Variants in TNS3 observed in about 807,000 individuals in gnomAD.
TNS3 encodes tensin 3.
Under a neutral mutation model 140.9 loss-of-function variants are expected in TNS3, and 45 were observed. That is an observed-to-expected ratio of 0.32 (90% CI 0.25 to 0.41). The LOEUF is 0.41. Ranked by LOEUF, TNS3 falls within the 10% of genes least tolerant of loss-of-function variation. The probability of loss-of-function intolerance (pLI) is 1.00; values close to 1 mark genes in which losing one functional copy is unlikely to be tolerated. For missense variants in TNS3, 1,716 were observed against 1,906.7 expected, an observed-to-expected ratio of 0.90 and a Z score of 1.86; for synonymous variants, 815 against 788.4, an observed-to-expected ratio of 1.03 and a Z score of -0.56.
intron 4 of TNS3, among the ~76,000 whole-genome samples, chr7:47,442,802 G>T (rs1795532670): frequency 6.6e-6 from 1 of 152,078 alleles, no homozygotes; most frequent in Non-Finnish European, 1.5e-5. Context: ...CGAGTTGGGG[G>T]GACACAGAGC....
At chr7:47,530,838 A>AAAATATATATATATATATATATATATAT in intron 1 of TNS3, among the ~76,000 whole-genome samples, 2 of 54,564 alleles carry the variant, frequency 3.7e-5, no homozygotes, top group East Asian at 4.9e-4. Flanking sequence ...AAAAAAAAAA[A>AAAATATATATATATATATATATATATAT]ATATATATAT....
At chr7:47,293,610 C>G (rs918623781) in intron 25 of TNS3, 123 bp downstream of exon 25, 2 of 790,618 alleles carry the variant, frequency 2.5e-6, no homozygotes, top group Non-Finnish European at 4.3e-6. Context: ...GATTTCAGAA[C>G]TGGGGACTGA....
At chr7:47,474,521 C>T (rs1797095480) in intron 4 of TNS3, among the ~76,000 whole-genome samples, 1 of 148,742 alleles carries the variant, frequency 6.7e-6, no homozygotes, top group Non-Finnish European at 1.5e-5. Context: ...ACAACACAGG[C>T]ATGTACACAC....
chr7:47,524,689 C>T (rs549894761), intron 2 of TNS3, among the ~76,000 whole-genome samples: 18 of 149,764 alleles, frequency 1.2e-4, no homozygotes, highest in Admixed American at 8.6e-4. Context: ...GTAGTCCCAG[C>T]TACTCGGGAG....
In TNS3 at chr7:47,368,839, A is replaced by T; in HGVS notation, c.1807T>A (p.Phe603Ile). ...QQMVVAHQYS[F>I]APDGEARLVS... ...AGCCGGGCCTCCCCATCTGGGGCGA[A>T]GCTATACTGGTGAGCTACAACCATC... The change falls in exon 17 of 31, where the codon TTC becomes ATC. Residue 603 changes from phenylalanine to isoleucine, a missense_variant. By Grantham distance (21) the Phe-to-Ile change is conservative. This residue lies in a region of TNS3 where 1,163 missense variants were observed against 1,182.1 expected (regional missense o/e 0.98). Coordinates refer to ENST00000311160, the MANE Select transcript of TNS3 (RefSeq NM_022748.12). 1 of 1,613,414 alleles carries T rather than the reference A, an allele frequency of 6.2e-7. No individual in the cohort carries two copies. Among genetic ancestry groups the T allele is most frequent in the Non-Finnish European group, 8.5e-7 (1 of 1,179,890 alleles).
At chr7:47,427,137 A>G (rs1299053820) in intron 9 of TNS3, among the ~76,000 whole-genome samples, 1 of 151,618 alleles carries the variant, frequency 6.6e-6, no homozygotes, top group African/African-American at 2.4e-5. Context: ...AAAAAAAAAA[A>G]AAAAAAAACA....
At chr7:47,367,194 G>A (rs985602021) in intron 17 of TNS3, among the ~76,000 whole-genome samples, 8 of 152,288 alleles carry the variant, frequency 5.3e-5, no homozygotes, top group East Asian at 1.9e-4. Context: ...CAGCCTGGCC[G>A]TCCTCTCCTG....
At chr7:47,497,604 C>T (rs550477233) in intron 3 of TNS3, among the ~76,000 whole-genome samples, 2 of 150,982 alleles carry the variant, frequency 1.3e-5, no homozygotes, top group South Asian at 4.2e-4. Context: ...TTCTGTTCTC[C>T]CAAAGAGGCC....
In TNS3 at chr7:47,356,756, C is replaced by T. The variant is rs144160308; in HGVS notation, c.2282-10400G>A. ...TCATGTTAAACACCTTAAATAAATA[C>T]GATGATAAATAAGTTAATTAAAACA... On this transcript the variant is annotated intron_variant, in intron 17 of 30. Transcript: ENST00000311160. 2.8e-4 allele frequency among the ~76,000 whole-genome samples: 42 copies of T among 152,140 alleles called. No individual in the cohort carries two copies. The East Asian group carries it at 4.1e-3, about 15-fold the overall frequency.
intron 1 of TNS3, among the ~76,000 whole-genome samples, chr7:47,564,053 G>T (rs1278736749): frequency 6.6e-6 from 1 of 151,798 alleles, no homozygotes; most frequent in East Asian, 1.9e-4. Flanking sequence ...AAATTAGCTG[G>T]CATGGTGGCA....
intron 1 of TNS3, chr7:47,539,297 C>T (rs2151962092): frequency 2.8e-6 from 1 of 354,588 alleles, no homozygotes; most frequent in East Asian, 7.4e-5. Flanking sequence ...CCTGAATCTG[C>T]TCTTACTTAT....
In TNS3 at chr7:47,405,368, AC is replaced by A. The variant is rs570581366; in HGVS notation, c.724-4455del. ...CAATGCTCCACTGGTGGCCCAGGCA[AC>A]TGTCTACGCAGGCCTCAAGGAATCT... On this transcript the variant is annotated intron_variant, in intron 13 of 30. Transcript: ENST00000311160. 619 of 605,928 alleles carry A rather than the reference AC, an allele frequency of 1.0e-3. 2 individuals are homozygous for A. The highest frequency in any genetic ancestry group is 9.9e-3 in the African/African-American group (540 of 54,296). 37.5% of individuals were successfully genotyped at this position (605,928 alleles called of 1,614,324 possible).
chr7:47,488,471 C>T (rs547864604), intron 3 of TNS3, among the ~76,000 whole-genome samples: 6 of 152,300 alleles, frequency 3.9e-5, no homozygotes, highest in South Asian at 4.2e-4. Context: ...GCCTCTCTCC[C>T]GGGCCTGCAG....
intron 2 of TNS3, among the ~76,000 whole-genome samples, chr7:47,523,492 C>T (rs374046885): frequency 4.6e-5 from 7 of 152,226 alleles, no homozygotes; most frequent in East Asian, 1.9e-4. Context: ...AAGTCAACAG[C>T]GCCAGAAACC....
chr7:47,334,136 A>G (rs1020936711), intron 20 of TNS3, among the ~76,000 whole-genome samples: 1 of 152,110 alleles, frequency 6.6e-6, no homozygotes, highest in Non-Finnish European at 1.5e-5. Flanking sequence ...CTTGTGAGCC[A>G]ATGAGGACCA....
chr7:47,577,676 T>C (rs1032762237), intron 1 of TNS3, among the ~76,000 whole-genome samples: 2 of 152,198 alleles, frequency 1.3e-5, no homozygotes, highest in Non-Finnish European at 2.9e-5. Context: ...ATGGCATACA[T>C]GCACGGTTCA....
At chr7:47,279,232 T>C (rs912511037) in intron 30 of TNS3, 10 of 152,356 alleles carry the variant, frequency 6.6e-5, no homozygotes, top group African/African-American at 2.4e-4. Flanking sequence ...ACTGTGGTCA[T>C]TAAATCCGGG....
chr7:47,411,885 A>G, intron 12 of TNS3, 83 bp from the exon 13 acceptor site: 1 of 1,287,452 alleles, frequency 7.8e-7, no homozygotes, highest in East Asian at 2.5e-5. Flanking sequence ...GCAACCCTAC[A>G]ACCCAAAACT....
In TNS3 at chr7:47,275,444, G is replaced by A. The variant is rs1352451749; in HGVS notation, c.*2632C>T. The A allele has an allele frequency of 5.4e-6, 1 of 185,560 alleles. No individual in the cohort carries two copies. Among genetic ancestry groups the A allele is most frequent in the Admixed American group, 5.8e-5 (1 of 17,170 alleles). The allele number at this position is 185,560 out of a possible 1,614,324, so 11.5% of individuals were successfully genotyped here. A position where few individuals can be genotyped will look rare whatever the true frequency, so the allele number is the denominator to read the frequency against. On this transcript the variant is annotated 3_prime_UTR_variant, in exon 31 of 31. Transcript: ENST00000311160. ...TAGGACCCTGGCTATAACATGCGTT[G>A]GGCACAGTTCGTGAACTCTCCGCAT... is the stretch of plus-strand genomic sequence containing the variant.
Sources: allele counts gnomAD v4.1 joint callset (sites outside exome capture counted in the v4.1 genomes callset), GRCh38; gene constraint gnomAD v4.1.1; regional missense constraint gnomAD v4.1.1; transcripts MANE v1.5; gene names NCBI Gene and HGNC (gene_info 2026-07-23, HGNC 2026-07-21).